The following FBXL7 variants were observed in gnomAD, a reference collection of about 807,000 sequenced individuals.
FBXL7 encodes F-box and leucine rich repeat protein 7.
A neutral mutation model predicts 38.3 loss-of-function variants in FBXL7; 12 were observed. The ratio of observed to expected loss-of-function variants is 0.31; its 90% CI spans 0.20 to 0.51. FBXL7 has a LOEUF of 0.51. Among genes scored for constraint, FBXL7 ranks in the 20% least tolerant of loss-of-function variants. The pLI, the probability that FBXL7 is intolerant of heterozygous loss-of-function variation, is 0.98. For synonymous variants in FBXL7, 297 were observed against 300.9 expected, an observed-to-expected ratio of 0.99 and a Z score of 0.13; for missense variants, 567 against 676.4, an observed-to-expected ratio of 0.84 and a Z score of 1.79.
At position 15,939,494 on chromosome 5, in the gene FBXL7, C is replaced by T. The variant is rs905406149; in HGVS notation, c.*2308C>T. On this transcript the variant is annotated 3_prime_UTR_variant, in exon 4 of 4. Coordinates refer to ENST00000504595, the MANE Select transcript of FBXL7 (RefSeq NM_012304.5). ...TTCACACTGATTGCCCAGCACATACCGTCTTGCCAGTTTCTTCTTTTCTCC... is the reference window on the plus strand; with the variant it reads ...TTCACACTGATTGCCCAGCACATACTGTCTTGCCAGTTTCTTCTTTTCTCC... 1.3e-5 allele frequency: 2 copies of T among 154,124 alleles called. No homozygotes were observed. Among genetic ancestry groups the T allele is most frequent in the Non-Finnish European group, 2.9e-5 (2 of 69,400 alleles). The allele number at this position is 154,124 out of a possible 1,614,324, so 9.5% of individuals were successfully genotyped here. A position where few individuals can be genotyped will look rare whatever the true frequency, so the allele number is the denominator to read the frequency against.
intron 1 of FBXL7, among the ~76,000 whole-genome samples, chr5:15,538,078 T>C (rs1262921273): frequency 6.6e-6 from 1 of 152,168 alleles, no homozygotes; most frequent in African/African-American, 2.4e-5. Flanking sequence ...CTTGTTTCTC[T>C]TCCCTGTGGG....
At chr5:15,578,518 C>A (rs1739037427) in intron 1 of FBXL7, among the ~76,000 whole-genome samples, 1 of 152,152 alleles carries the variant, frequency 6.6e-6, no homozygotes, top group African/African-American at 2.4e-5. Context: ...TCTCAACACA[C>A]TAACCCATAG....
chr5:15,935,597 G>T (rs1364270324), intron 3 of FBXL7, among the ~76,000 whole-genome samples: 1 of 152,112 alleles, frequency 6.6e-6, no homozygotes, highest in Non-Finnish European at 1.5e-5. Context: ...TAGGGGTGTG[G>T]GGAATCGACT....
intron 2 of FBXL7, among the ~76,000 whole-genome samples, chr5:15,848,941 T>C (rs1168921926): frequency 6.6e-6 from 1 of 152,216 alleles, no homozygotes; most frequent in Admixed American, 6.5e-5. Context: ...TGCTATAGTC[T>C]GGATTATTGT....
chr5:15,852,835 C>G (rs1253882172), intron 2 of FBXL7, among the ~76,000 whole-genome samples: 1 of 152,154 alleles, frequency 6.6e-6, no homozygotes, highest in African/African-American at 2.4e-5. Flanking sequence ...AGTTTGGCCA[C>G]TGTACATATG....
intron 2 of FBXL7, among the ~76,000 whole-genome samples, chr5:15,693,699 CAGA>C (rs1303223085): frequency 4.6e-5 from 7 of 152,142 alleles, no homozygotes; most frequent in Non-Finnish European, 1.0e-4. Flanking sequence ...AACACACTGG[CAGA>C]AGAACACACC....
At position 15,657,981 on chromosome 5, in the gene FBXL7, C is replaced by T. The variant is rs575225498; in HGVS notation, c.127+41909C>T. 3.9e-5 allele frequency among the ~76,000 whole-genome samples: 6 copies of T among 152,272 alleles called. No homozygotes were observed. In the South Asian group the frequency reaches 1.2e-3, roughly 32 times the overall value. On this transcript the variant is annotated intron_variant, in intron 2 of 3. Coordinates refer to ENST00000504595, the MANE Select transcript of FBXL7 (RefSeq NM_012304.5). The stretch of plus-strand genomic sequence containing the variant: ...AGCCGGAAATCCACTTTATGAGCCT[C>T]TGTGACTTTGGCCCCAAGATTAAGA...
At chr5:15,897,503 T>C (rs191151313) in intron 2 of FBXL7, among the ~76,000 whole-genome samples, 1 of 152,266 alleles carries the variant, frequency 6.6e-6, no homozygotes, top group African/African-American at 2.4e-5. Context: ...TTAAGTGAGG[T>C]GTACATCAGA....
intron 2 of FBXL7, among the ~76,000 whole-genome samples, chr5:15,694,852 T>C (rs1371538494): frequency 6.6e-5 from 10 of 152,154 alleles, no homozygotes; most frequent in Non-Finnish European, 1.0e-4. Context: ...CCATAAATGG[T>C]AAAACTAACC....
intron 1 of FBXL7, among the ~76,000 whole-genome samples, chr5:15,588,106 C>T (rs1326980367): frequency 6.6e-6 from 1 of 152,162 alleles, no homozygotes. Context: ...TGAGGTAAAA[C>T]TAGACTTTTA....
chr5:15,675,896 C>T (rs1742639121), intron 2 of FBXL7, among the ~76,000 whole-genome samples: 1 of 152,016 alleles, frequency 6.6e-6, no homozygotes, highest in African/African-American at 2.4e-5. Flanking sequence ...AGAAATTGGC[C>T]GCTACAATGA....
At chr5:15,574,533 A>G (rs1204146682) in intron 1 of FBXL7, among the ~76,000 whole-genome samples, 1 of 152,234 alleles carries the variant, frequency 6.6e-6, no homozygotes, top group Non-Finnish European at 1.5e-5. Context: ...CCATTTTTAA[A>G]CATTCATAAA....
At chr5:15,505,958 C>G (rs1248247277) in intron 1 of FBXL7, among the ~76,000 whole-genome samples, 2 of 152,112 alleles carry the variant, frequency 1.3e-5, no homozygotes, top group Non-Finnish European at 2.9e-5. Context: ...AAATTTAATT[C>G]CATCTTAATT....
intron 2 of FBXL7, among the ~76,000 whole-genome samples, chr5:15,659,780 A>G (rs1270078186): frequency 1.3e-5 from 2 of 152,236 alleles, no homozygotes; most frequent in African/African-American, 4.8e-5. Context: ...TATTAAAGGA[A>G]AACATCCAAT....
intron 2 of FBXL7, among the ~76,000 whole-genome samples, chr5:15,828,428 C>T (rs536024723): frequency 1.3e-5 from 2 of 152,270 alleles, no homozygotes; most frequent in African/African-American, 4.8e-5. Context: ...CACTGAGTGT[C>T]TTGTATTTAA....
chr5:15,919,717 A>T (rs1741690422), intron 2 of FBXL7, among the ~76,000 whole-genome samples: 1 of 152,190 alleles, frequency 6.6e-6, no homozygotes. Flanking sequence ...TTCACTAAGA[A>T]TATTGTTTAA....
intron 2 of FBXL7, among the ~76,000 whole-genome samples, chr5:15,631,024 C>G (rs1290761376): frequency 6.6e-6 from 1 of 152,118 alleles, no homozygotes; most frequent in Non-Finnish European, 1.5e-5. Flanking sequence ...CTAATCACAG[C>G]CACTTCATGT....
intron 2 of FBXL7, among the ~76,000 whole-genome samples, chr5:15,884,897 A>G (rs574961496): frequency 6.6e-6 from 1 of 152,246 alleles, no homozygotes; most frequent in Non-Finnish European, 1.5e-5. Flanking sequence ...ACCCTTTTTA[A>G]AAACCCAAAG....
At chr5:15,591,760 G>A (rs1036419296) in intron 1 of FBXL7, among the ~76,000 whole-genome samples, 1 of 152,016 alleles carries the variant, frequency 6.6e-6, no homozygotes, top group African/African-American at 2.4e-5. Context: ...CACCAGGCTG[G>A]AGTGCAGTGT....
Sources: gnomAD v4.1 joint callset for allele counts (sites outside exome capture counted in the v4.1 genomes callset) on GRCh38, gnomAD v4.1.1 for gene constraint, MANE v1.5 for transcripts, NCBI Gene and HGNC (gene_info 2026-07-23, HGNC 2026-07-21) for gene names.